SUMF1: variants seen among roughly 807,000 people sequenced by gnomAD.
The protein encoded by SUMF1 is formylglycine-generating enzyme.
A neutral mutation model predicts 47.6 loss-of-function variants in SUMF1; 48 were observed. The observed-to-expected ratio is 1.01, with a 90% CI of 0.80 to 1.28. The LOEUF is 1.28. Among genes scored for constraint, SUMF1 ranks in the 50% most tolerant of loss-of-function variants. The probability of loss-of-function intolerance (pLI) is 0.00; values close to 1 mark genes in which losing one functional copy is unlikely to be tolerated. For missense variants in SUMF1, 571 were observed against 485.4 expected, an observed-to-expected ratio of 1.18 and a Z score of -1.66; for synonymous variants, 230 against 192.1, an observed-to-expected ratio of 1.20 and a Z score of -1.63.
intron 8 of SUMF1, among the ~76,000 whole-genome samples, chr3:4,276,769 GTCTT>G (rs1390081218): frequency 2.0e-5 from 3 of 152,066 alleles, no homozygotes; most frequent in Non-Finnish European, 4.4e-5. Flanking sequence ...TGTAATGTAT[GTCTT>G]TCTTTAGTGG....
At chr3:4,423,353 G>A (rs1022894009) in intron 3 of SUMF1, among the ~76,000 whole-genome samples, 1 of 150,966 alleles carries the variant, frequency 6.6e-6, no homozygotes, top group Admixed American at 6.6e-5. Context: ...ATGAATTAAC[G>A]GCATTCACAG....
At chr3:4,077,702 T>G (rs1692470301) in intron 8 of SUMF1, among the ~76,000 whole-genome samples, 1 of 152,036 alleles carries the variant, frequency 6.6e-6, no homozygotes, top group South Asian at 2.1e-4. Context: ...AAATACCTAA[T>G]GTAAATGTCG....
intron 4 of SUMF1, among the ~76,000 whole-genome samples, chr3:4,419,036 T>C (rs773959550): frequency 6.6e-6 from 1 of 152,342 alleles, no homozygotes; most frequent in Middle Eastern, 3.4e-3. Context: ...GTACCTATCA[T>C]GTGCCAGTCA....
At chr3:4,246,291 G>C (rs1018540721) in intron 8 of SUMF1, among the ~76,000 whole-genome samples, 9 of 151,974 alleles carry the variant, frequency 5.9e-5, no homozygotes, top group Admixed American at 5.9e-4. Context: ...GACCCAATGA[G>C]ATGAACCAGG....
chr3:4,120,671 C>A (rs537123645), intron 8 of SUMF1, among the ~76,000 whole-genome samples: 1 of 152,152 alleles, frequency 6.6e-6, no homozygotes, highest in African/African-American at 2.4e-5. Context: ...AGGGGATTTC[C>A]AGGATGCTAC....
intron 7 of SUMF1, among the ~76,000 whole-genome samples, chr3:4,404,556 G>C (rs538611784): frequency 1.3e-5 from 2 of 152,082 alleles, no homozygotes; most frequent in African/African-American, 2.4e-5. Flanking sequence ...TCAGGAGTTC[G>C]AGACCAACCT....
intron 8 of SUMF1, among the ~76,000 whole-genome samples, chr3:4,213,254 T>C (rs370368169): frequency 6.6e-6 from 1 of 152,140 alleles, no homozygotes; most frequent in African/African-American, 2.4e-5. Context: ...TGGGGGCCAA[T>C]ATTCAACATT....
chr3:4,204,253 T>A (rs936927214), intron 8 of SUMF1, among the ~76,000 whole-genome samples: 1 of 152,104 alleles, frequency 6.6e-6, no homozygotes, highest in Admixed American at 6.6e-5. Context: ...TTCAAATACA[T>A]ACAATGTTCT....
At chr3:4,143,176 T>C (rs559662661) in intron 8 of SUMF1, among the ~76,000 whole-genome samples, 275 of 152,262 alleles carry the variant, frequency 1.8e-3, no homozygotes, top group African/African-American at 5.9e-3. Context: ...GGAAAGGTGC[T>C]GAACAAACAA....
chr3:4,427,860 G>C (rs1702114752), intron 3 of SUMF1, among the ~76,000 whole-genome samples: 2 of 152,048 alleles, frequency 1.3e-5, no homozygotes, highest in South Asian at 4.1e-4. Context: ...GGAATCTATG[G>C]ACTCAAAGAA....
intron 8 of SUMF1, among the ~76,000 whole-genome samples, chr3:4,108,659 T>A (rs1389117965): frequency 6.6e-6 from 1 of 152,126 alleles, no homozygotes; most frequent in African/African-American, 2.4e-5. Flanking sequence ...GTTGAATTGA[T>A]CCCTTTACCA....
chr3:4,357,427 G>A (rs557275617), downstream of SUMF1, among the ~76,000 whole-genome samples: 43 of 151,506 alleles, frequency 2.8e-4, no homozygotes, highest in Non-Finnish European at 5.6e-4. Context: ...TGATTAGCAA[G>A]AGAATTAGAA....
chr3:4,369,439 G>T (rs1272018280), intron 8 of SUMF1, among the ~76,000 whole-genome samples: 2 of 152,144 alleles, frequency 1.3e-5, no homozygotes, highest in South Asian at 2.1e-4. Flanking sequence ...GGGCTGCTGT[G>T]AAACAACAGT....
intron 8 of SUMF1, among the ~76,000 whole-genome samples, chr3:4,233,079 T>C (rs1002885249): frequency 1.3e-5 from 2 of 152,112 alleles, no homozygotes; most frequent in Non-Finnish European, 2.9e-5. Context: ...AGGTTTTCAA[T>C]AGTGAATGCA....
chr3:4,168,468 T>A (rs1694760738), intron 8 of SUMF1, among the ~76,000 whole-genome samples: 1 of 152,176 alleles, frequency 6.6e-6, no homozygotes, highest in African/African-American at 2.4e-5. Flanking sequence ...GGTCTTCACA[T>A]CACTAATCAT....
chr3:4,096,258 G>C (rs1159874331), intron 8 of SUMF1, among the ~76,000 whole-genome samples: 1 of 152,116 alleles, frequency 6.6e-6, no homozygotes. Context: ...AGAACTTCCA[G>C]TAAGTACGGA....
At chr3:4,116,807 A>C (rs1046503617) in intron 8 of SUMF1, among the ~76,000 whole-genome samples, 2 of 152,124 alleles carry the variant, frequency 1.3e-5, no homozygotes, top group African/African-American at 4.8e-5. Flanking sequence ...AATTTCTATC[A>C]GGTCACTTCA....
chr3:4,176,828 G>T (rs989129353), intron 8 of SUMF1, among the ~76,000 whole-genome samples: 3 of 152,038 alleles, frequency 2.0e-5, no homozygotes, highest in Non-Finnish European at 4.4e-5. Context: ...GGTTCAAAAT[G>T]AAGGGATAGA....
intron 8 of SUMF1, among the ~76,000 whole-genome samples, chr3:4,209,296 A>G (rs1244099705): frequency 6.6e-6 from 1 of 152,190 alleles, no homozygotes; most frequent in African/African-American, 2.4e-5. Flanking sequence ...ATGCCATAAT[A>G]CAAGGTACTG....
Sources: gnomAD v4.1 joint callset for allele counts (sites outside exome capture counted in the v4.1 genomes callset) on GRCh38, gnomAD v4.1.1 for gene constraint, MANE v1.5 for transcripts, NCBI Gene and HGNC (gene_info 2026-07-23, HGNC 2026-07-21) for gene names.